The following LPIN1 variants were observed in gnomAD, a reference collection of about 807,000 sequenced individuals.
LPIN1 encodes lipin 1, also known as phosphatidate phosphatase LPIN1.
Under a neutral mutation model 107.5 loss-of-function variants are expected in LPIN1, and 71 were observed. That is an observed-to-expected ratio of 0.66 (90% CI 0.55 to 0.80). The LOEUF is 0.80. Ranked by LOEUF, LPIN1 falls within the 30% of genes least tolerant of loss-of-function variation. The pLI, the probability that LPIN1 is intolerant of heterozygous loss-of-function variation, is 0.00. For synonymous variants in LPIN1, 445 were observed against 452.6 expected (o/e 0.98, Z 0.21); for missense variants, 1,043 against 1,160.6 (o/e 0.90, Z 1.47).
chr2:11,814,995 A>G, intron 17 of LPIN1, 93 bp from the exon 18 acceptor site: 4 of 1,229,486 alleles, frequency 3.3e-6, no homozygotes, highest in South Asian at 1.3e-5. Flanking sequence ...AAACAGTGCC[A>G]TTCTCCACAG....
intron 17 of LPIN1, 132 bp from the exon 18 acceptor site, chr2:11,814,956 A>T (rs768770198): frequency 3.7e-6 from 3 of 807,472 alleles, no homozygotes; most frequent in Non-Finnish European, 6.3e-6. Context: ...ATTTTGTAGA[A>T]TGTGGACTTT....
At chr2:11,812,719 A>G (rs1177527283) in intron 17 of LPIN1, among the ~76,000 whole-genome samples, 1 of 152,218 alleles carries the variant, frequency 6.6e-6, no homozygotes, top group Non-Finnish European at 1.5e-5. Flanking sequence ...TATAGGCCAC[A>G]GTGAAGGGTT....
At chr2:11,698,908 T>G (rs1353193216) in intron 1 of LPIN1, among the ~76,000 whole-genome samples, 1 of 152,220 alleles carries the variant, frequency 6.6e-6, no homozygotes, top group Non-Finnish European at 1.5e-5. Flanking sequence ...CTCCTTCAAA[T>G]CAGCGTCCCC....
intron 6 of LPIN1, among the ~76,000 whole-genome samples, chr2:11,777,709 A>G (rs1384702780): frequency 1.3e-5 from 2 of 152,230 alleles, no homozygotes; most frequent in Non-Finnish European, 2.9e-5. Flanking sequence ...TCTTTACAGA[A>G]AATGTTTGCC....
chr2:11,750,782 C>T (rs981091879), intron 1 of LPIN1, among the ~76,000 whole-genome samples: 10 of 141,256 alleles, frequency 7.1e-5, no homozygotes, highest in Admixed American at 3.4e-4. Context: ...GCGCTCTTAC[C>T]TGCTGAGCTA....
At chr2:11,739,599 A>G (rs1666133103) in intron 1 of LPIN1, among the ~76,000 whole-genome samples, 1 of 152,220 alleles carries the variant, frequency 6.6e-6, no homozygotes, top group African/African-American at 2.4e-5. Context: ...TCAAGGCTCA[A>G]AAAGATCAAA....
chr2:11,694,079 C>T (rs1252871008), intron 1 of LPIN1, among the ~76,000 whole-genome samples: 1 of 151,746 alleles, frequency 6.6e-6, no homozygotes, highest in Non-Finnish European at 1.5e-5. Context: ...GGTGATCCAC[C>T]TGCCTTGGCC....
rs138249656 is a variant in LPIN1 at position 11,767,666 on chromosome 2, C to G, written c.193-97C>G. On this transcript the variant is annotated intron_variant, in intron 2 of 20. Coordinates refer to ENST00000674199, the MANE Select transcript of LPIN1 (RefSeq NM_001349206.2). ...GTTGTGTGGCACTTCAGGGTGTATGCGATGATAGCGTATCTGTGGAGACTT... is the reference window on the plus strand; with the variant it reads ...GTTGTGTGGCACTTCAGGGTGTATGGGATGATAGCGTATCTGTGGAGACTT... 1.5e-3 allele frequency: 1,173 copies of G among 787,466 alleles called. 8 individuals carry two copies. In the African/African-American group the frequency reaches 0.017, roughly 11 times the overall value. The allele number at this position is 787,466 out of a possible 1,614,324, so 48.8% of individuals were successfully genotyped here. A position where few individuals can be genotyped will look rare whatever the true frequency, so the allele number is the denominator to read the frequency against.
chr2:11,755,360 C>T lies in LPIN1; in HGVS notation c.-10+8689C>T, dbSNP rs115589926. On this transcript the variant is annotated intron_variant, in intron 1 of 20. Coordinates refer to ENST00000674199, the MANE Select transcript of LPIN1 (RefSeq NM_001349206.2). The stretch of plus-strand genomic sequence containing the variant: ...GTGGTGGGTGCATCTTGCTGTTTTA[C>T]ACTCTGGAATGTCGTGATGGGACCA... 3.2e-3 allele frequency among the ~76,000 whole-genome samples: 487 copies of T among 152,302 alleles called. 2 individuals carry two copies. Among genetic ancestry groups the T allele is most frequent in the African/African-American group, 0.011 (467 of 41,572 alleles).
intron 1 of LPIN1, among the ~76,000 whole-genome samples, chr2:11,712,182 G>T (rs1420939027): frequency 3.9e-5 from 6 of 152,154 alleles, no homozygotes; most frequent in Non-Finnish European, 7.3e-5. Flanking sequence ...AACTACTCTG[G>T]AATCATGAGG....
At chr2:11,810,225 G>A (rs139830524) in intron 17 of LPIN1, among the ~76,000 whole-genome samples, 5 of 152,276 alleles carry the variant, frequency 3.3e-5, no homozygotes, top group Admixed American at 6.5e-5. Flanking sequence ...GATCGAGTGT[G>A]AAAGATGTTG....
intron 17 of LPIN1, among the ~76,000 whole-genome samples, chr2:11,808,870 C>CAA (rs1205659703): frequency 0.024 from 1,799 of 74,028 alleles, 32 homozygotes; most frequent in African/African-American, 0.079. Context: ...GACACCATCT[C>CAA]AAAAAAAAAA....
At chr2:11,717,855 G>T (rs1663857961) in intron 2 of LPIN1, among the ~76,000 whole-genome samples, 1 of 152,136 alleles carries the variant, frequency 6.6e-6, no homozygotes, top group Admixed American at 6.6e-5. Flanking sequence ...AAGTGGCAGG[G>T]TTAGAATTCA....
chr2:11,818,895 A>T (rs1421426880), intron 18 of LPIN1: 1 of 152,148 alleles, frequency 6.6e-6, no homozygotes, highest in Non-Finnish European at 1.5e-5. Context: ...GGTAACTGGT[A>T]TCAAATACCC....
chr2:11,794,752 G>A (rs1676371707), intron 13 of LPIN1, among the ~76,000 whole-genome samples: 1 of 152,190 alleles, frequency 6.6e-6, no homozygotes, highest in Admixed American at 6.5e-5. Context: ...TATGTGCCTG[G>A]CTTTGTGGTT....
chr2:11,746,386 A>G (rs932681577), upstream of LPIN1, among the ~76,000 whole-genome samples: 1 of 152,150 alleles, frequency 6.6e-6, no homozygotes. Flanking sequence ...TGTTGAAGAA[A>G]CACACGAGTT....
At chr2:11,750,589 G>A (rs1040109759) in intron 1 of LPIN1, among the ~76,000 whole-genome samples, 2 of 152,204 alleles carry the variant, frequency 1.3e-5, no homozygotes, top group Non-Finnish European at 2.9e-5. Flanking sequence ...TTTTTATTTG[G>A]TGCATGTGCT....
intron 18 of LPIN1, chr2:11,816,956 C>T (rs1039593541): frequency 5.9e-5 from 9 of 151,926 alleles, no homozygotes; most frequent in African/African-American, 2.2e-4. Context: ...GTGATGTTCC[C>T]CTCCCTGTGT....
intron 14 of LPIN1, among the ~76,000 whole-genome samples, chr2:11,799,141 C>T (rs1441912980): frequency 6.6e-6 from 1 of 152,168 alleles, no homozygotes; most frequent in Non-Finnish European, 1.5e-5. Context: ...GTGTACTTGC[C>T]CTAAGCCGAA....
Sources: allele counts gnomAD v4.1 joint callset (sites outside exome capture counted in the v4.1 genomes callset), GRCh38; gene constraint gnomAD v4.1.1; transcripts MANE v1.5; gene names NCBI Gene and HGNC (gene_info 2026-07-23, HGNC 2026-07-21).